The following ACVR2A variants were observed in gnomAD, a reference collection of about 807,000 sequenced individuals.
The protein encoded by ACVR2A is activin A receptor type 2A, also known as activin receptor type-2A.
ACVR2A carries 7 observed loss-of-function variants against 61.4 expected under a neutral mutation model. The observed-to-expected ratio is 0.11, with a 90% CI of 0.06 to 0.21. ACVR2A has a LOEUF of 0.21. Ranked by LOEUF, ACVR2A falls within the 10% of genes least tolerant of loss-of-function variation. ACVR2A has a pLI of 1.00. For synonymous variants in ACVR2A, 193 were observed against 208.3 expected, an observed-to-expected ratio of 0.93 and a Z score of 0.63; for missense variants, 322 against 621.7, an observed-to-expected ratio of 0.52 and a Z score of 5.13.
intron 4 of ACVR2A, among the ~76,000 whole-genome samples, chr2:147,905,180 C>G (rs1573696532): frequency 6.6e-6 from 1 of 152,068 alleles, no homozygotes; most frequent in East Asian, 1.9e-4. Context: ...TCCCTTGGCA[C>G]CTTTCTTTAG....
rs1337025713 is a variant in ACVR2A, at chr2:147,926,032, A to C, written c.1218A>C (p.Gly406=). ...ELASRCTAAD[G]PVDEYMLPFE... ...TATTTTACTTTTCTTACTTTTCAGG[A>C]CCTGTAGATGAATACATGTTGCCAT... Residue 406 remains glycine (G), a splice_region_variant and synonymous_variant, in exon 10 of 11, where the codon GGA becomes GGC. Coordinates refer to ENST00000241416, the MANE Select transcript of ACVR2A (RefSeq NM_001616.5). The C allele has an allele frequency of 6.2e-7, 1 of 1,603,842 alleles. No homozygotes were observed. Among genetic ancestry groups the C allele is most frequent in the Non-Finnish European group, 8.5e-7 (1 of 1,176,502 alleles).
At chr2:147,895,780 G>C (rs899189889) in intron 1 of ACVR2A, among the ~76,000 whole-genome samples, 1 of 152,056 alleles carries the variant, frequency 6.6e-6, no homozygotes, top group African/African-American at 2.4e-5. Context: ...GTATAACATA[G>C]AAAATATGTG....
intron 1 of ACVR2A, among the ~76,000 whole-genome samples, chr2:147,848,484 TA>T (rs1685371676): frequency 6.6e-6 from 1 of 152,152 alleles, no homozygotes; most frequent in Admixed American, 6.5e-5. Context: ...CGTCCTAAAA[TA>T]CATGGTACAG....
chr2:147,871,349 A>T (rs1686011643), intron 1 of ACVR2A, among the ~76,000 whole-genome samples: 1 of 152,142 alleles, frequency 6.6e-6, no homozygotes, highest in Non-Finnish European at 1.5e-5. Context: ...TTTATTGTGC[A>T]TTTAGCTCCT....
At chr2:147,868,549 C>T (rs1285430738) in intron 1 of ACVR2A, among the ~76,000 whole-genome samples, 1 of 152,024 alleles carries the variant, frequency 6.6e-6, no homozygotes. Context: ...CTGGAAGTAT[C>T]TGATGTGGAT....
At chr2:147,917,562 C>A in intron 6 of ACVR2A, 136 bp downstream of exon 6, 3 of 1,042,368 alleles carry the variant, frequency 2.9e-6, no homozygotes, top group Non-Finnish European at 4.0e-6. Context: ...AAAAATCATT[C>A]TTGAATAAAA....
intron 1 of ACVR2A, among the ~76,000 whole-genome samples, chr2:147,883,456 G>A (rs1484734007): frequency 6.6e-6 from 1 of 152,174 alleles, no homozygotes; most frequent in Admixed American, 6.5e-5. Context: ...TTCCCAAAGT[G>A]CTGGGATTAC....
intron 1 of ACVR2A, among the ~76,000 whole-genome samples, chr2:147,851,376 G>C (rs767469135): frequency 1.3e-5 from 2 of 151,152 alleles, no homozygotes; most frequent in Non-Finnish European, 3.0e-5. Context: ...GTGTGCCTCA[G>C]TTTTCTCATC....
chr2:147,852,598 C>G (rs1280496753), intron 1 of ACVR2A, among the ~76,000 whole-genome samples: 1 of 152,072 alleles, frequency 6.6e-6, no homozygotes, highest in Non-Finnish European at 1.5e-5. Flanking sequence ...GAGAACATGG[C>G]TCTTCCCTGA....
chr2:147,910,804 G>A (rs1687094135), intron 4 of ACVR2A, among the ~76,000 whole-genome samples: 2 of 152,106 alleles, frequency 1.3e-5, no homozygotes, highest in African/African-American at 4.8e-5. Context: ...TGTTCCCAGG[G>A]CCACCTCTGC....
chr2:147,859,570 G>A (rs904165519), intron 1 of ACVR2A, among the ~76,000 whole-genome samples: 1 of 152,096 alleles, frequency 6.6e-6, no homozygotes, highest in African/African-American at 2.4e-5. Context: ...TCAGTTGTGT[G>A]TGTGATTGTA....
intron 1 of ACVR2A, among the ~76,000 whole-genome samples, chr2:147,860,204 A>G (rs1400475272): frequency 1.3e-5 from 2 of 152,130 alleles, no homozygotes; most frequent in Non-Finnish European, 2.9e-5. Flanking sequence ...CTCTTAACTC[A>G]TGCTAGAAAT....
At chr2:147,883,216 G>A (rs1686352063) in intron 1 of ACVR2A, among the ~76,000 whole-genome samples, 1 of 152,130 alleles carries the variant, frequency 6.6e-6, no homozygotes, top group Admixed American at 6.6e-5. Context: ...TTGAGACGGA[G>A]TTTTGCTCTT....
Position 147,915,226 on chromosome 2 carries a change from T to A in ACVR2A, c.564T>A (p.Gly188=). 6.2e-7 allele frequency: 1 copy of A among 1,612,248 alleles called. No individual in the cohort carries two copies. Among genetic ancestry groups the A allele is most frequent in the Non-Finnish European group, 8.5e-7 (1 of 1,178,688 alleles). ...CACCCCCACCTTCTCCATTACTAGG[T>A]TTGAAACCACTGCAGTTATTAGAAG... ...PGPPPPSPLL[G]LKPLQLLEVK... Residue 188 remains glycine (G), a synonymous_variant, in exon 5 of 11, where the codon GGT becomes GGA. Coordinates refer to ENST00000241416, the MANE Select transcript of ACVR2A (RefSeq NM_001616.5).
intron 9 of ACVR2A, among the ~76,000 whole-genome samples, chr2:147,923,753 A>G (rs1006460638): frequency 2.6e-5 from 4 of 152,076 alleles, no homozygotes; most frequent in Admixed American, 6.6e-5. Flanking sequence ...TGAATAATAT[A>G]AGGCAAACTT....
chr2:147,851,418 C>G (rs1204793616), intron 1 of ACVR2A, among the ~76,000 whole-genome samples: 2 of 152,092 alleles, frequency 1.3e-5, no homozygotes, highest in African/African-American at 4.8e-5. Flanking sequence ...TAGTGCCTAC[C>G]TCAGAGAGTG....
At chr2:147,860,130 T>G (rs1344017845) in intron 1 of ACVR2A, among the ~76,000 whole-genome samples, 1 of 152,196 alleles carries the variant, frequency 6.6e-6, no homozygotes, top group African/African-American at 2.4e-5. Context: ...GGATTTCACC[T>G]TTATTTTCTT....
intron 4 of ACVR2A, among the ~76,000 whole-genome samples, chr2:147,908,678 T>A (rs1474819249): frequency 2.0e-5 from 3 of 152,146 alleles, no homozygotes. Context: ...ATGGTAAAAT[T>A]TCTTAGAATG....
chr2:147,867,997 C>G (rs1402914110), intron 1 of ACVR2A, among the ~76,000 whole-genome samples: 1 of 152,200 alleles, frequency 6.6e-6, no homozygotes, highest in African/African-American at 2.4e-5. Context: ...TCTGTGTTCC[C>G]ATAGCACCTT....
Sources: gnomAD v4.1 joint callset for allele counts (sites outside exome capture counted in the v4.1 genomes callset) on GRCh38, gnomAD v4.1.1 for gene constraint, MANE v1.5 for transcripts, NCBI Gene and HGNC (gene_info 2026-07-23, HGNC 2026-07-21) for gene names.